The following STARD13 variants were observed in gnomAD, a reference collection of about 807,000 sequenced individuals.
The protein encoded by STARD13 is stAR-related lipid transfer protein 13.
A neutral mutation model predicts 106.4 loss-of-function variants in STARD13; 62 were observed. That is an observed-to-expected ratio of 0.58 (90% CI 0.48 to 0.72). The LOEUF (loss-of-function observed/expected upper bound fraction) is 0.72. Among genes scored for constraint, STARD13 ranks in the 30% least tolerant of loss-of-function variants. The pLI, the probability that STARD13 is intolerant of heterozygous loss-of-function variation, is 0.00. For synonymous variants in STARD13, 565 were observed against 553.0 expected (o/e 1.02, Z -0.31); for missense variants, 1,387 against 1,424.0 (o/e 0.97, Z 0.42).
chr13:33,196,676 G>A (rs1886646706), intron 1 of STARD13, among the ~76,000 whole-genome samples: 1 of 152,176 alleles, frequency 6.6e-6, no homozygotes, highest in Non-Finnish European at 1.5e-5. Flanking sequence ...AATCCTAACA[G>A]AATGGAGAGG....
the STARD13 span, among the ~76,000 whole-genome samples, chr13:33,384,353 A>G: frequency 6.6e-6 from 1 of 152,226 alleles, no homozygotes; most frequent in Admixed American, 6.5e-5. Context: ...AGCCAAGCTA[A>G]GAGTCCGGGA....
intron 1 of STARD13, among the ~76,000 whole-genome samples, chr13:33,252,397 C>T (rs943529002): frequency 6.6e-6 from 1 of 152,194 alleles, no homozygotes; most frequent in African/African-American, 2.4e-5. Context: ...CACAACAGCC[C>T]TCTGTCATTT....
chr13:33,551,663 A>G, the STARD13 span, among the ~76,000 whole-genome samples: 1 of 122,084 alleles, frequency 8.2e-6, no homozygotes, highest in African/African-American at 3.2e-5. Flanking sequence ...CAGTGTTGGG[A>G]TCTTGGCTCC....
chr13:33,296,362 T>C (rs1208723730), intron 1 of STARD13, among the ~76,000 whole-genome samples: 2 of 152,158 alleles, frequency 1.3e-5, no homozygotes, highest in Non-Finnish European at 2.9e-5. Flanking sequence ...CTTGAAGATA[T>C]ACAATCTTTA....
chr13:33,346,176 G>C (rs1307995469), downstream of STARD13, among the ~76,000 whole-genome samples: 1 of 152,216 alleles, frequency 6.6e-6, no homozygotes, highest in Non-Finnish European at 1.5e-5. Flanking sequence ...AGAAACCAAG[G>C]CCTGCCAACA....
the STARD13 span, among the ~76,000 whole-genome samples, chr13:33,363,056 C>T: frequency 6.6e-6 from 1 of 152,214 alleles, no homozygotes; most frequent in Non-Finnish European, 1.5e-5. Context: ...TCCACTTCAC[C>T]CATCTACTCC....
chr13:33,512,475 T>C, the STARD13 span, among the ~76,000 whole-genome samples: 2 of 152,128 alleles, frequency 1.3e-5, no homozygotes, highest in Admixed American at 1.3e-4. Context: ...ACTCTTTTTT[T>C]CTTTTTTTTG....
At chr13:33,304,610 A>G (rs1892837902) in intron 1 of STARD13, among the ~76,000 whole-genome samples, 1 of 152,236 alleles carries the variant, frequency 6.6e-6, no homozygotes, top group Non-Finnish European at 1.5e-5. Context: ...TTAAAAATAT[A>G]TAAGTTAATG....
the STARD13 span, among the ~76,000 whole-genome samples, chr13:33,676,325 A>AGAAGAAAG: frequency 6.6e-6 from 1 of 152,238 alleles, no homozygotes; most frequent in Non-Finnish European, 1.5e-5. Flanking sequence ...ACCTGCACCC[A>AGAAGAAAG]GACCCCCTTT....
chr13:33,183,049 C>T (rs1466376665), intron 1 of STARD13, among the ~76,000 whole-genome samples: 1 of 152,228 alleles, frequency 6.6e-6, no homozygotes. Flanking sequence ...TATTTACCTC[C>T]TGACTTGCTC....
At chr13:33,233,051 T>C (rs893495681) in intron 1 of STARD13, among the ~76,000 whole-genome samples, 6 of 152,234 alleles carry the variant, frequency 3.9e-5, no homozygotes, top group Non-Finnish European at 8.8e-5. Context: ...GGCACTTCAG[T>C]AACATATCAA....
chr13:33,347,717 A>G (rs1000718268), downstream of STARD13, among the ~76,000 whole-genome samples: 1 of 152,206 alleles, frequency 6.6e-6, no homozygotes, highest in Non-Finnish European at 1.5e-5. Flanking sequence ...AGGTTTGTGT[A>G]AATACATTCT....
At chr13:33,125,846 G>A (rs1456133403) in intron 7 of STARD13, among the ~76,000 whole-genome samples, 2 of 152,156 alleles carry the variant, frequency 1.3e-5, no homozygotes, top group Non-Finnish European at 1.5e-5. Context: ...AACTGTTAAC[G>A]TCAACTTTCC....
At chr13:33,120,498 C>T (rs1354494446) in intron 7 of STARD13, among the ~76,000 whole-genome samples, 2 of 152,192 alleles carry the variant, frequency 1.3e-5, no homozygotes, top group Non-Finnish European at 2.9e-5. Context: ...ATTTATTGTG[C>T]TGCCTCGAAG....
chr13:33,225,327 T>G (rs2093518699), intron 1 of STARD13, among the ~76,000 whole-genome samples: 1 of 152,204 alleles, frequency 6.6e-6, no homozygotes, highest in African/African-American at 2.4e-5. Flanking sequence ...TTTTTTACAG[T>G]TATTTTCTTC....
intron 1 of STARD13, among the ~76,000 whole-genome samples, chr13:33,211,805 C>CTGTGTGTG (rs573541591): frequency 1.1e-4 from 17 of 148,690 alleles, no homozygotes; most frequent in African/African-American, 3.0e-4. Context: ...AGAGCTGACT[C>CTGTGTGTG]TGTGTGTGTG....
chr13:33,109,784 T>C (rs984969925), intron 12 of STARD13, 89 bp downstream of exon 12: 40 of 1,272,196 alleles, frequency 3.1e-5, no homozygotes, highest in Admixed American at 1.8e-4. Context: ...GGCTGGACTT[T>C]GGTGGGAGAC....
intron 1 of STARD13, among the ~76,000 whole-genome samples, chr13:33,317,544 C>T (rs1893386776): frequency 6.6e-6 from 1 of 152,150 alleles, no homozygotes; most frequent in East Asian, 1.9e-4. Context: ...CACTCATCCC[C>T]CTGATCTAAG....
In STARD13 at chr13:33,322,148, C is replaced by T. The variant is rs17078974; in HGVS notation, c.124+28142G>A. Reference sequence around the variant, plus strand: ...CAAGTATTATAGCTCATTTCCAAATCGATTTCATTTACCAATGTTATATAC... The same window carrying T: ...CAAGTATTATAGCTCATTTCCAAATTGATTTCATTTACCAATGTTATATAC... On this transcript the variant is annotated intron_variant, in intron 1 of 5. Coordinates refer to the STARD13 transcript ENST00000567873. Among the ~76,000 whole-genome samples, 696 of 152,312 alleles carry T rather than the reference C, an allele frequency of 4.6e-3. 7 individuals carry two copies. Among genetic ancestry groups the T allele is most frequent in the African/African-American group, 0.016 (675 of 41,556 alleles).
Sources: gnomAD v4.1 joint callset for allele counts (sites outside exome capture counted in the v4.1 genomes callset) on GRCh38, gnomAD v4.1.1 for gene constraint, MANE v1.5 for transcripts, NCBI Gene and HGNC (gene_info 2026-07-23, HGNC 2026-07-21) for gene names.